The following NREP variants were observed in gnomAD, a reference collection of about 807,000 sequenced individuals.
The protein encoded by NREP is neuronal regeneration-related protein.
In NREP, 5 loss-of-function variants were observed where a neutral mutation model predicts 8.6. The ratio of observed to expected loss-of-function variants is 0.58; its 90% confidence interval spans 0.30 to 1.22. The LOEUF (loss-of-function observed/expected upper bound fraction) is 1.22, where lower values mean the gene tolerates loss of function less well. Among genes scored for constraint, NREP ranks in the 50% most tolerant of loss-of-function variants. The probability of loss-of-function intolerance (pLI) is 0.07; values close to 1 mark genes in which losing one functional copy is unlikely to be tolerated. For synonymous variants in NREP, 27 were observed against 28.0 expected, an observed-to-expected ratio of 0.96 and a Z score of 0.11; for missense variants, 86 against 82.5, an observed-to-expected ratio of 1.04 and a Z score of -0.17.
In NREP at chr5:111,755,824, G is replaced by C; in HGVS notation, c.-52C>G. The C allele has an allele frequency of 6.2e-7, 1 of 1,613,654 alleles. No homozygotes were observed. The highest frequency in any genetic ancestry group is 1.7e-5 in the Admixed American group (1 of 60,020). Reference sequence around the variant, plus strand: ...ATTCTCCCTCTCTTCAGTCCAGGGAGACCAACCTGCAAAATATGTTTAAAT... The same window carrying C: ...ATTCTCCCTCTCTTCAGTCCAGGGACACCAACCTGCAAAATATGTTTAAAT... On this transcript the variant is annotated 5_prime_UTR_variant, in exon 2 of 4. Coordinates refer to ENST00000257435, the MANE Select transcript of NREP (RefSeq NM_004772.4).
chr5:111,970,969 T>G (rs1304258931), intron 2 of NREP, among the ~76,000 whole-genome samples: 2 of 152,142 alleles, frequency 1.3e-5, no homozygotes, highest in African/African-American at 4.8e-5. Flanking sequence ...CTAGGGAGCT[T>G]GTTAAAAATA....
intron 2 of NREP, among the ~76,000 whole-genome samples, chr5:111,864,715 A>T (rs942399850): frequency 8.5e-5 from 13 of 152,160 alleles, no homozygotes; most frequent in Admixed American, 7.2e-4. Context: ...TCAGGAAAAA[A>T]GAGAAGAATG....
At chr5:111,913,256 A>G (rs1242519985) in intron 2 of NREP, among the ~76,000 whole-genome samples, 1 of 152,004 alleles carries the variant, frequency 6.6e-6, no homozygotes, top group Non-Finnish European at 1.5e-5. Flanking sequence ...AAATTCTTTT[A>G]CTCTTTCTGC....
At chr5:111,914,798 C>G (rs1032706493) in intron 2 of NREP, among the ~76,000 whole-genome samples, 2 of 152,074 alleles carry the variant, frequency 1.3e-5, no homozygotes, top group Non-Finnish European at 2.9e-5. Flanking sequence ...AAAGAATACA[C>G]TTTTAAGGTT....
chr5:111,823,611 T>C (rs1487646373), intron 2 of NREP, among the ~76,000 whole-genome samples: 2 of 152,198 alleles, frequency 1.3e-5, no homozygotes, highest in Non-Finnish European at 2.9e-5. Context: ...TATAAAAATA[T>C]TAACTAGGAT....
chr5:111,757,461 G>C (rs1750798704), upstream of NREP: 8 of 985,032 alleles, frequency 8.1e-6, no homozygotes, highest in Non-Finnish European at 6.0e-6. Flanking sequence ...TCTCCCGCTA[G>C]GGTGCTAGTG....
At chr5:111,835,144 A>G (rs978129808) in intron 2 of NREP, among the ~76,000 whole-genome samples, 3 of 152,158 alleles carry the variant, frequency 2.0e-5, no homozygotes, top group Admixed American at 6.6e-5. Context: ...TTCCTATTCA[A>G]TACATGACAC....
At chr5:111,824,432 T>A (rs1752576652) in intron 2 of NREP, among the ~76,000 whole-genome samples, 1 of 152,216 alleles carries the variant, frequency 6.6e-6, no homozygotes, top group African/African-American at 2.4e-5. Flanking sequence ...CAATATTATC[T>A]TTCCCATTAT....
At chr5:111,955,371 A>G (rs1232740587) in intron 2 of NREP, among the ~76,000 whole-genome samples, 1 of 152,122 alleles carries the variant, frequency 6.6e-6, no homozygotes, top group Non-Finnish European at 1.5e-5. Flanking sequence ...TGAGTCAGCG[A>G]AAGAATCACA....
At chr5:111,816,023 T>G (rs892761975) in intron 2 of NREP, among the ~76,000 whole-genome samples, 11 of 152,174 alleles carry the variant, frequency 7.2e-5, no homozygotes, top group African/African-American at 2.4e-4. Flanking sequence ...AACAGCTGAT[T>G]TCTCAACAAG....
rs185529896 is a variant in NREP at position 111,837,056 on chromosome 5, A to C, written c.136-101549T>G. On this transcript the variant is annotated intron_variant, in intron 2 of 3. Coordinates refer to the NREP transcript ENST00000395634. Reference sequence around the variant, plus strand: ...GGTACTAAGTTTATTTTGATGGGCAAGATTTAGTTTTCTGACATCAGTGGA... The same window carrying C: ...GGTACTAAGTTTATTTTGATGGGCACGATTTAGTTTTCTGACATCAGTGGA... 2.9e-3 allele frequency among the ~76,000 whole-genome samples: 443 copies of C among 152,254 alleles called. 4 individuals carry two copies. Among genetic ancestry groups the C allele is most frequent in the Middle Eastern group, 0.01 (3 of 294 alleles).
intron 2 of NREP, among the ~76,000 whole-genome samples, chr5:111,886,931 A>C (rs188396141): frequency 0.019 from 2,936 of 151,726 alleles, 46 homozygotes; most frequent in Non-Finnish European, 0.027. Flanking sequence ...ATGTAACTAA[A>C]CTGCACATTG....
At chr5:111,852,244 T>A (rs1021423260) in intron 2 of NREP, among the ~76,000 whole-genome samples, 1 of 151,590 alleles carries the variant, frequency 6.6e-6, no homozygotes, top group Non-Finnish European at 1.5e-5. Context: ...AGTGAGGGAG[T>A]GTTATGTGAT....
intron 2 of NREP, chr5:111,912,458 T>G (rs1318066649): frequency 6.6e-6 from 1 of 152,110 alleles, no homozygotes; most frequent in Non-Finnish European, 1.5e-5. Flanking sequence ...CACTGAAGCT[T>G]GAGTCATAAT....
chr5:111,928,154 A>C (rs1161763608), intron 2 of NREP, among the ~76,000 whole-genome samples: 1 of 144,380 alleles, frequency 6.9e-6, no homozygotes, highest in Non-Finnish European at 1.5e-5. Flanking sequence ...AGTAGACTTC[A>C]AGTATTTTTG....
At chr5:111,808,884 T>C (rs916204172) in intron 2 of NREP, among the ~76,000 whole-genome samples, 1 of 152,230 alleles carries the variant, frequency 6.6e-6, no homozygotes, top group Non-Finnish European at 1.5e-5. Flanking sequence ...TAGCATGTGG[T>C]ACATGCTGGT....
intron 2 of NREP, among the ~76,000 whole-genome samples, chr5:111,858,314 TATTTTATTTCCTTTTACTTTTC>T (rs994473847): frequency 1.3e-5 from 2 of 152,088 alleles, no homozygotes; most frequent in African/African-American, 4.8e-5. Flanking sequence ...GGTTTCTTTC[TATTTTATTTCCTTTTACTTTTC>T]TCTCCCTACA....
At chr5:111,814,827 T>C (rs1306393487) in intron 2 of NREP, among the ~76,000 whole-genome samples, 2 of 151,952 alleles carry the variant, frequency 1.3e-5, no homozygotes, top group Non-Finnish European at 2.9e-5. Flanking sequence ...TCTGGTAGTA[T>C]TGGAATGCTA....
At position 111,973,817 on chromosome 5, in the gene NREP, A is replaced by G. The variant is rs893608649; in HGVS notation, c.135+1457T>C. Among the ~76,000 whole-genome samples, 2 of 152,218 alleles carry G rather than the reference A, an allele frequency of 1.3e-5. 1 individual carries two copies. Among genetic ancestry groups the G allele is most frequent in the South Asian group, 4.1e-4 (2 of 4,832 alleles). ...TTGAGTCCATTTGTGTTCAGCAAAC[A>G]AGGCATATTTAGAAACATTGAATAT... On this transcript the variant is annotated intron_variant, in intron 2 of 3. Coordinates refer to the NREP transcript ENST00000395634.
Sources: allele counts gnomAD v4.1 joint callset (sites outside exome capture counted in the v4.1 genomes callset), GRCh38; gene constraint gnomAD v4.1.1; transcripts MANE v1.5; gene names NCBI Gene and HGNC (gene_info 2026-07-23, HGNC 2026-07-21).